Variants in KIAA1549L observed in about 807,000 individuals in gnomAD.
The protein encoded by KIAA1549L is UPF0606 protein KIAA1549L.
Under a neutral mutation model 160.7 loss-of-function variants are expected in KIAA1549L, and 88 were observed. That is an observed-to-expected ratio of 0.55 (90% CI 0.46 to 0.65). KIAA1549L has a LOEUF of 0.65. Ranked by LOEUF, KIAA1549L falls within the 30% of genes least tolerant of loss-of-function variation. KIAA1549L has a pLI of 0.00. For synonymous variants in KIAA1549L, 950 were observed against 976.7 expected (o/e 0.97, Z 0.51); for missense variants, 2,258 against 2,437.5 (o/e 0.93, Z 1.55).
At chr11:33,500,242 G>A (rs2133085127) in intron 1 of KIAA1549L, among the ~76,000 whole-genome samples, 1 of 152,320 alleles carries the variant, frequency 6.6e-6, no homozygotes, top group East Asian at 1.9e-4. Context: ...TTAAGTAACT[G>A]TTTCAAGATC....
At chr11:33,624,382 A>G (rs1389230974) in intron 16 of KIAA1549L, among the ~76,000 whole-genome samples, 3 of 152,056 alleles carry the variant, frequency 2.0e-5, no homozygotes, top group African/African-American at 4.8e-5. Context: ...TTACAATCCT[A>G]TGTACTCCTG....
chr11:33,576,930 T>C (rs148345694), intron 10 of KIAA1549L, among the ~76,000 whole-genome samples: 1 of 152,228 alleles, frequency 6.6e-6, no homozygotes, highest in Non-Finnish European at 1.5e-5. Context: ...AACTCAGGAA[T>C]CATCAACATA....
chr11:33,393,765 C>T (rs1307061526), intron 1 of KIAA1549L, among the ~76,000 whole-genome samples: 2 of 152,086 alleles, frequency 1.3e-5, no homozygotes, highest in South Asian at 2.1e-4. Context: ...GTCTAGGGTA[C>T]GAAGGTGTGC....
At chr11:33,592,268 C>T (rs542290037) in intron 12 of KIAA1549L, among the ~76,000 whole-genome samples, 3 of 152,226 alleles carry the variant, frequency 2.0e-5, no homozygotes, top group Admixed American at 6.5e-5. Flanking sequence ...ATCTAGGCAA[C>T]GGGGAGCCAC....
chr11:33,643,967 A>G (rs1183428451), intron 16 of KIAA1549L, among the ~76,000 whole-genome samples: 1 of 152,190 alleles, frequency 6.6e-6, no homozygotes, highest in Non-Finnish European at 1.5e-5. Context: ...AGAGCTTCTA[A>G]GAGCAGAAGA....
intron 1 of KIAA1549L, among the ~76,000 whole-genome samples, chr11:33,431,933 G>A (rs985780681): frequency 6.6e-6 from 1 of 152,240 alleles, no homozygotes. Context: ...GCTCAGCGCT[G>A]GTGGGCTGGC....
In KIAA1549L at chr11:33,544,010, C is replaced by T; in HGVS notation, c.2447C>T (p.Ala816Val). The T allele has an allele frequency of 6.2e-7, 1 of 1,614,014 alleles. No homozygotes were observed. The highest frequency in any genetic ancestry group is 8.5e-7 in the Non-Finnish European group (1 of 1,179,888). Residue 816 changes from alanine (A) to valine (V), a missense_variant, in exon 2 of 21, where the codon GCT becomes GTT. By Grantham distance (64) the Ala-to-Val change is moderately conservative. Coordinates refer to ENST00000658780, the MANE Select transcript of KIAA1549L (RefSeq NM_012194.3). The part of the protein sequence containing the change: ...NNNHSRDFQT[A>V]EVAYYSPTTR... ...AACCATTCCAGAGACTTCCAAACAG[C>T]TGAAGTTGCATATTACTCACCCACA...
chr11:33,548,220 G>A (rs886430368), intron 4 of KIAA1549L, among the ~76,000 whole-genome samples: 1 of 152,148 alleles, frequency 6.6e-6, no homozygotes, highest in Non-Finnish European at 1.5e-5. Flanking sequence ...GCAACATGAT[G>A]AAACCCCGTC....
intron 1 of KIAA1549L, among the ~76,000 whole-genome samples, chr11:33,452,136 C>T (rs529562451): frequency 6.6e-6 from 1 of 152,294 alleles, no homozygotes; most frequent in African/African-American, 2.4e-5. Flanking sequence ...CACCAAAAAA[C>T]CATCTTCATT....
At chr11:33,433,457 G>A (rs1359404541) in intron 1 of KIAA1549L, among the ~76,000 whole-genome samples, 1 of 152,220 alleles carries the variant, frequency 6.6e-6, no homozygotes, top group Non-Finnish European at 1.5e-5. Flanking sequence ...TGGTGAGGTT[G>A]TGGAGAAATA....
chr11:33,549,811 G>A (rs59919306), intron 4 of KIAA1549L, among the ~76,000 whole-genome samples: 14,786 of 151,980 alleles, frequency 0.097, 940 homozygotes, highest in East Asian at 0.3. Context: ...TGAGACCAGC[G>A]TGGGCAACGT....
At chr11:33,500,312 T>C (rs562114885) in intron 1 of KIAA1549L, among the ~76,000 whole-genome samples, 111 of 152,306 alleles carry the variant, frequency 7.3e-4, no homozygotes, top group African/African-American at 2.5e-3. Flanking sequence ...GTAGTACTGA[T>C]ATGAGAATTA....
intron 1 of KIAA1549L, among the ~76,000 whole-genome samples, chr11:33,448,259 A>G (rs1851655709): frequency 6.6e-6 from 1 of 152,114 alleles, no homozygotes; most frequent in Non-Finnish European, 1.5e-5. Context: ...GTATTTATGA[A>G]CTTAAAACTC....
chr11:33,641,613 TATATATATATATATATATATAC>T (rs1851587078), intron 16 of KIAA1549L, among the ~76,000 whole-genome samples: 3 of 74,192 alleles, frequency 4.0e-5, no homozygotes, highest in African/African-American at 1.3e-4. Context: ...TATATATATA[TATATATATATATATATATATAC>T]ACAGTGGGTA....
intron 20 of KIAA1549L, among the ~76,000 whole-genome samples, chr11:33,661,579 GA>G: frequency 6.6e-6 from 1 of 152,140 alleles, no homozygotes. Flanking sequence ...GAAAATGAAG[GA>G]TTAGAAACCC....
At chr11:33,545,601 C>A (rs889832067) in intron 3 of KIAA1549L, among the ~76,000 whole-genome samples, 1 of 152,106 alleles carries the variant, frequency 6.6e-6, no homozygotes, top group Non-Finnish European at 1.5e-5. Flanking sequence ...CAACATCTTA[C>A]AATGCACAGA....
rs1855709703 is a variant in KIAA1549L at position 33,583,413 on chromosome 11, T to G, written c.4478T>G (p.Ile1493Ser). The G allele has an allele frequency of 6.3e-7, 1 of 1,598,728 alleles. No homozygotes were observed. The highest frequency in any genetic ancestry group is 1.3e-5 in the African/African-American group (1 of 74,674). ...GCGCCCATTGCCGTGGTCACGGTCA[T>G]CATCATCATCATCACTGCCGTGCTC... is the stretch of plus-strand genomic sequence containing the variant. The part of the protein sequence containing the change: ...VLAPIAVVTV[I>S]IIIITAVLCR... Residue 1493 changes from isoleucine to serine, a missense_variant, in exon 11 of 21, where the codon ATC becomes AGC. Ile to Ser is a moderately radical substitution (Grantham distance 142). Around this residue, in one of 6 missense-constraint regions of KIAA1549L, gnomAD observed 1,359 missense variants for 1,546.6 expected, o/e 0.88. Coordinates refer to ENST00000658780, the MANE Select transcript of KIAA1549L (RefSeq NM_012194.3).
At chr11:33,570,248 C>T (rs184317051) in intron 9 of KIAA1549L, among the ~76,000 whole-genome samples, 167 of 152,160 alleles carry the variant, frequency 1.1e-3, no homozygotes, top group Non-Finnish European at 2.0e-3. Flanking sequence ...ATGATCCACC[C>T]ACCTCAGCCT....
intron 19 of KIAA1549L, 132 bp from the exon 20 acceptor site, chr11:33,660,731 C>A: frequency 1.2e-6 from 1 of 829,426 alleles, no homozygotes; most frequent in Non-Finnish European, 1.9e-6. Flanking sequence ...TCAGCTCAGA[C>A]CTGATTTAAT....
Sources: allele counts gnomAD v4.1 joint callset (sites outside exome capture counted in the v4.1 genomes callset), GRCh38; gene constraint gnomAD v4.1.1; regional missense constraint gnomAD v4.1.1; transcripts MANE v1.5; gene names NCBI Gene and HGNC (gene_info 2026-07-23, HGNC 2026-07-21).